TLL1: variants seen among roughly 807,000 people sequenced by gnomAD.
TLL1 encodes the protein tolloid-like protein 1.
In TLL1, 49 loss-of-function variants were observed where a neutral mutation model predicts 128.2. The ratio of observed to expected loss-of-function variants is 0.38; its 90% confidence interval spans 0.30 to 0.48. The LOEUF (loss-of-function observed/expected upper bound fraction) is 0.48, where lower values mean the gene tolerates loss of function less well. Among genes scored for constraint, TLL1 ranks in the 20% least tolerant of loss-of-function variants. TLL1 has a pLI of 0.96. For synonymous variants in TLL1, 454 were observed against 418.8 expected, an observed-to-expected ratio of 1.08 and a Z score of -1.03; for missense variants, 1,123 against 1,242.0, an observed-to-expected ratio of 0.90 and a Z score of 1.44.
At chr4:166,006,005 C>T (rs534755793) in intron 6 of TLL1, among the ~76,000 whole-genome samples, 1 of 151,882 alleles carries the variant, frequency 6.6e-6, no homozygotes, top group East Asian at 1.9e-4. Context: ...ACCACTGTAA[C>T]AGAGCAATTC....
At chr4:165,985,814 G>A (rs1206310718) in intron 1 of TLL1, among the ~76,000 whole-genome samples, 1 of 151,944 alleles carries the variant, frequency 6.6e-6, no homozygotes, top group Non-Finnish European at 1.5e-5. Context: ...TGCATTAACG[G>A]CAAATAACCT....
intron 1 of TLL1, among the ~76,000 whole-genome samples, chr4:165,932,650 T>G (rs1298922128): frequency 6.6e-6 from 1 of 152,210 alleles, no homozygotes; most frequent in East Asian, 1.9e-4. Context: ...TCTTCTTTTT[T>G]TTTTTAGAGT....
At chr4:165,921,349 T>C (rs1733033102) in intron 1 of TLL1, among the ~76,000 whole-genome samples, 1 of 152,168 alleles carries the variant, frequency 6.6e-6, no homozygotes, top group Admixed American at 6.5e-5. Context: ...AACAAAGTAA[T>C]TAATATAGAG....
intron 16 of TLL1, 34 bp from the exon 17 acceptor site, chr4:166,074,844 A>T: frequency 6.2e-7 from 1 of 1,611,396 alleles, no homozygotes; most frequent in Non-Finnish European, 8.5e-7. Flanking sequence ...TTTTAAAGTT[A>T]CTTACTAGAC....
intron 1 of TLL1, among the ~76,000 whole-genome samples, chr4:165,928,588 G>T (rs1012867073): frequency 5.3e-5 from 8 of 152,196 alleles, no homozygotes; most frequent in African/African-American, 1.9e-4. Flanking sequence ...GCTTCTGTCT[G>T]TCTCGAACAT....
At chr4:166,031,609 C>A (rs1386755536) in intron 9 of TLL1, among the ~76,000 whole-genome samples, 3 of 152,004 alleles carry the variant, frequency 2.0e-5, no homozygotes, top group East Asian at 1.9e-4. Flanking sequence ...CTCAAGTGAT[C>A]TACCTGCCTC....
At chr4:166,000,618 G>A (rs1244539097) in intron 5 of TLL1, among the ~76,000 whole-genome samples, 3 of 152,082 alleles carry the variant, frequency 2.0e-5, no homozygotes, top group Admixed American at 6.5e-5. Context: ...CTCAATAGGG[G>A]TAATTTAGTT....
At chr4:166,072,461 A>G (rs1303472736) in intron 16 of TLL1, among the ~76,000 whole-genome samples, 4 of 151,278 alleles carry the variant, frequency 2.6e-5, no homozygotes, top group Non-Finnish European at 4.4e-5. Context: ...TTATTCTGAA[A>G]TCATTATTAT....
intron 7 of TLL1, among the ~76,000 whole-genome samples, chr4:166,014,174 G>T (rs1274233940): frequency 1.3e-5 from 2 of 151,738 alleles, no homozygotes; most frequent in Non-Finnish European, 2.9e-5. Context: ...GGATTATAAG[G>T]TATTCCATAT....
chr4:165,897,924 C>A (rs1731760843), intron 1 of TLL1, among the ~76,000 whole-genome samples: 2 of 151,958 alleles, frequency 1.3e-5, no homozygotes, highest in Non-Finnish European at 2.9e-5. Flanking sequence ...GTTTGTAGTT[C>A]TCCTTGAAGA....
intron 9 of TLL1, among the ~76,000 whole-genome samples, chr4:166,038,262 T>C (rs1739088507): frequency 6.6e-6 from 1 of 152,162 alleles, no homozygotes. Flanking sequence ...CCTTCCTTTG[T>C]TATTCCTTGA....
chr4:165,880,136 G>A (rs1401960484), intron 1 of TLL1, among the ~76,000 whole-genome samples: 1 of 152,134 alleles, frequency 6.6e-6, no homozygotes, highest in Non-Finnish European at 1.5e-5. Flanking sequence ...CAGAAAGCAG[G>A]AGGAGAGAAT....
At chr4:165,937,017 T>C (rs945077050) in intron 1 of TLL1, among the ~76,000 whole-genome samples, 9 of 152,196 alleles carry the variant, frequency 5.9e-5, no homozygotes, top group Non-Finnish European at 1.2e-4. Flanking sequence ...TACTTTTAAA[T>C]ATCATTATCT....
intron 20 of TLL1, 26 bp from the exon 21 acceptor site, chr4:166,100,716 T>C: frequency 6.2e-7 from 1 of 1,612,304 alleles, no homozygotes; most frequent in South Asian, 1.1e-5. Context: ...CTTGTTTACT[T>C]GCTTGTTGTT....
intron 12 of TLL1, among the ~76,000 whole-genome samples, chr4:166,047,669 A>G (rs1739524178): frequency 6.6e-6 from 1 of 151,984 alleles, no homozygotes; most frequent in Admixed American, 6.6e-5. Flanking sequence ...TGCCATTTGC[A>G]TTTTCATGAA....
chr4:166,039,529 A>G, intron 10 of TLL1, 88 bp downstream of exon 10: 1 of 923,982 alleles, frequency 1.1e-6, no homozygotes, highest in South Asian at 1.4e-5. Flanking sequence ...GTCATCGTAG[A>G]GTTAAAAATG....
intron 9 of TLL1, among the ~76,000 whole-genome samples, chr4:166,033,293 TAAAG>T (rs766240183): frequency 2.6e-5 from 4 of 152,084 alleles, no homozygotes; most frequent in Admixed American, 6.6e-5. Context: ...TTTGAAAACT[TAAAG>T]AAAACTCTGA....
intron 1 of TLL1, among the ~76,000 whole-genome samples, chr4:165,969,916 A>G (rs774895009): frequency 5.9e-5 from 9 of 152,144 alleles, no homozygotes; most frequent in Non-Finnish European, 7.4e-5. Flanking sequence ...TGTTACTCCC[A>G]GGTAGGGTCT....
At chr4:166,023,582 A>G (rs1386567091) in intron 8 of TLL1, among the ~76,000 whole-genome samples, 1 of 152,176 alleles carries the variant, frequency 6.6e-6, no homozygotes, top group Non-Finnish European at 1.5e-5. Context: ...GAAACATCTT[A>G]TGTAGTAGGG....
Sources: allele counts gnomAD v4.1 joint callset (sites outside exome capture counted in the v4.1 genomes callset), GRCh38; gene constraint gnomAD v4.1.1; transcripts MANE v1.5; gene names NCBI Gene and HGNC (gene_info 2026-07-23, HGNC 2026-07-21).